ABHD11: variants seen among roughly 807,000 people sequenced by gnomAD.
The protein encoded by ABHD11 is sn-1-specific diacylglycerol lipase ABHD11.
Under a neutral mutation model 29.0 loss-of-function variants are expected in ABHD11, and 26 were observed. That is an observed-to-expected ratio of 0.90 (90% CI 0.66 to 1.24). ABHD11 has a LOEUF of 1.24. Among genes scored for constraint, ABHD11 ranks in the 50% most tolerant of loss-of-function variants. ABHD11 has a pLI of 0.00. For missense variants in ABHD11, 381 were observed against 422.4 expected (o/e 0.90, Z 0.86); for synonymous variants, 169 against 166.4 (o/e 1.02, Z -0.12).
At chr7:73,737,189 C>T (rs1799981178) in intron 4 of ABHD11, 32 bp downstream of exon 4, 1 of 1,613,846 alleles carries the variant, frequency 6.2e-7, no homozygotes, top group Non-Finnish European at 8.5e-7. Context: ...TCCTGGTCTA[C>T]AATACCATCC....
chr7:73,737,430 A>T, intron 3 of ABHD11, 39 bp from the exon 4 acceptor site: 1 of 1,587,438 alleles, frequency 6.3e-7, no homozygotes, highest in Non-Finnish European at 8.6e-7. Context: ...TCTTAGGCAG[A>T]CATAGGGAGT....
Position 73,738,771 on chromosome 7 carries a change from G to C in ABHD11, c.-1C>G, listed in dbSNP as rs1800268089. ...TCCAGGCTCGGGTCCAGCGGAGCAT[G>C]CTTGCAAGCTGTTGGCCGGCTCGCA... On this transcript the variant is annotated 5_prime_UTR_variant, in exon 1 of 6. Transcript: ENST00000222800. 7.5e-6 allele frequency: 12 copies of C among 1,604,192 alleles called. No homozygotes were observed. The highest frequency in any genetic ancestry group is 1.0e-5 in the Non-Finnish European group (12 of 1,174,760).
In ABHD11 at chr7:73,736,497, C is replaced by T. The variant is rs1799882707; in HGVS notation, c.*62G>A. On this transcript the variant is annotated 3_prime_UTR_variant, in exon 6 of 6. Coordinates refer to ENST00000222800, the MANE Select transcript of ABHD11 (RefSeq NM_148912.4). ...TCAAGTCATCCTCCCGCCTTAGCCTCCCAAAGTGCTGGAATTACAGGCATG... is the reference window on the plus strand; with the variant it reads ...TCAAGTCATCCTCCCGCCTTAGCCTTCCAAAGTGCTGGAATTACAGGCATG... 15 of 1,599,706 alleles carry T rather than the reference C, an allele frequency of 9.4e-6. No individual in the cohort carries two copies. The highest frequency in any genetic ancestry group is 1.2e-5 in the Non-Finnish European group (14 of 1,172,984).
Position 73,738,710 on chromosome 7 carries a change from T to C in ABHD11, c.61A>G (p.Ser21Gly). Residue 21 changes from serine to glycine, a missense_variant, in exon 1 of 6, where the codon AGC becomes GGC. Coordinates refer to ENST00000222800, the MANE Select transcript of ABHD11 (RefSeq NM_148912.4). The part of the protein sequence containing the change: ...PREGLGPHGP[S>G]FARVPVAPSS... Reference sequence around the variant, plus strand: ...GGTGCGACAGGCACCCTCGCGAAGCTAGGGCCGTGGGGGCCGAGTCCCTCA... The same window carrying C: ...GGTGCGACAGGCACCCTCGCGAAGCCAGGGCCGTGGGGGCCGAGTCCCTCA... The C allele has an allele frequency of 6.2e-7, 1 of 1,607,464 alleles. No homozygotes were observed. Among genetic ancestry groups the C allele is most frequent in the Non-Finnish European group, 8.5e-7 (1 of 1,177,732 alleles).
At chr7:73,738,144 T>C in intron 2 of ABHD11, 184 bp downstream of exon 2, 1 of 1,101,982 alleles carries the variant, frequency 9.1e-7, no homozygotes, top group Admixed American at 2.0e-5. Context: ...GATGGAGATC[T>C]ACAACATGAA....
chr7:73,737,845 C>T (rs1800077850), intron 2 of ABHD11, 110 bp from the exon 3 acceptor site: 1 of 1,455,516 alleles, frequency 6.9e-7, no homozygotes, highest in African/African-American at 1.4e-5. Flanking sequence ...GGGGATACAC[C>T]CTGTGGAGGG....
chr7:73,737,926 G>A, intron 2 of ABHD11, 191 bp from the exon 3 acceptor site: 1 of 952,496 alleles, frequency 1.0e-6, no homozygotes, highest in Non-Finnish European at 1.6e-6. Flanking sequence ...AGAAGAGCAG[G>A]CCCCAGGGTT....
Position 73,736,376 on chromosome 7 carries a change from A to C in ABHD11, c.*183T>G. On this transcript the variant is annotated 3_prime_UTR_variant, in exon 6 of 6. Coordinates refer to ENST00000222800, the MANE Select transcript of ABHD11 (RefSeq NM_148912.4). ...TGCCTCAGCCTCCAGAGTAGCTGGG[A>C]TTACAGGTGTGCACCACCACGCCAG... 1.4e-6 allele frequency: 1 copy of C among 711,118 alleles called. No homozygotes were observed. The highest frequency in any genetic ancestry group is 2.3e-6 in the Non-Finnish European group (1 of 442,280). 44.1% of individuals were successfully genotyped at this position (711,118 alleles called of 1,614,324 possible). A position where few individuals can be genotyped will look rare whatever the true frequency, so the allele number is the denominator to read the frequency against.
Position 73,738,418 on chromosome 7 carries a change from G to A in ABHD11, c.171C>T (p.Leu57=), listed in dbSNP as rs1227916333. The A allele has an allele frequency of 6.2e-7, 1 of 1,611,466 alleles. No homozygotes were observed. Among genetic ancestry groups the A allele is most frequent in the African/African-American group, 1.3e-5 (1 of 74,906 alleles). The change falls in exon 2 of 6, where the codon CTC becomes CTT. Residue 57 remains leucine, a synonymous_variant. Coordinates refer to ENST00000222800, the MANE Select transcript of ABHD11 (RefSeq NM_148912.4). The part of the protein sequence containing the change: ...SYRLLDGEAA[L]PAVVFLHGLF... ...GCCCGTGCAAAAAGACGACGGCCGGGAGGGCTGCCTCCCCGTCCAGAAGCC... is the reference window on the plus strand; with the variant it reads ...GCCCGTGCAAAAAGACGACGGCCGGAAGGGCTGCCTCCCCGTCCAGAAGCC...
At chr7:73,738,267 C>A (rs1372518610) in intron 2 of ABHD11, 61 bp downstream of exon 2, 5 of 1,363,932 alleles carry the variant, frequency 3.7e-6, no homozygotes, top group Middle Eastern at 2.0e-4. Context: ...GCCCCGCCTC[C>A]TCTCAGGCCC....
Position 73,736,569 on chromosome 7 carries a change from A to G in ABHD11, c.911T>C (p.Phe304Ser). 6.2e-7 allele frequency: 1 copy of G among 1,613,904 alleles called. No homozygotes were observed. The highest frequency in any genetic ancestry group is 8.5e-7 in the Non-Finnish European group (1 of 1,180,002). ...TCTTGCCAGCAACTCTTAGACCAGG[A>G]AGCCTCGGATGGCAGCTATGAAGTC... ...PQDFIAAIRG[F>S]LV Residue 304 changes from phenylalanine to serine, a missense_variant, in exon 6 of 6, where the codon TTC becomes TCC. By Grantham distance (155) the Phe-to-Ser change is radical. Coordinates refer to ENST00000222800, the MANE Select transcript of ABHD11 (RefSeq NM_148912.4).
At chr7:73,738,052 G>A (rs1554622605) in intron 2 of ABHD11, 4 of 745,194 alleles carry the variant, frequency 5.4e-6, no homozygotes, top group Middle Eastern at 4.6e-4. Context: ...GCCATAAGAG[G>A]TGGTGAGCTC....
At position 73,738,642 on chromosome 7, in the gene ABHD11, T is replaced by C. The variant is rs781866988; in HGVS notation, c.125+4A>G. ...TGGCCTCCCGCCCGGTGCCCTTGAC[T>C]GACCTCGGCTCGGCGCCCCCTCGGC... On this transcript the variant is annotated splice_donor_region_variant and intron_variant, in intron 1 of 5. Transcript: ENST00000222800. The C allele has an allele frequency of 2.3e-5, 36 of 1,592,428 alleles. No homozygotes were observed. The highest frequency in any genetic ancestry group is 2.8e-5 in the Non-Finnish European group (33 of 1,171,962).
chr7:73,737,105 C>T lies in ABHD11; in HGVS notation c.612G>A (p.Met204Ile). Reference sequence around the variant, plus strand: ...TAGTGAGCAGGTGCTGCCGCACGGCCATGTCCTGTGGGGGTGCAGCAGTTG... The same window carrying T: ...TAGTGAGCAGGTGCTGCCGCACGGCTATGTCCTGTGGGGGTGCAGCAGTTG... Reference protein sequence around the residue: ...DEQLSSVIQDMAVRQHLLTNL... With the variant: ...DEQLSSVIQDIAVRQHLLTNL... The change falls in exon 5 of 6, where the codon ATG becomes ATA. Residue 204 changes from methionine (M) to isoleucine (I), a missense_variant. Coordinates refer to ENST00000222800, the MANE Select transcript of ABHD11 (RefSeq NM_148912.4). 2 of 1,613,834 alleles carry T rather than the reference C, an allele frequency of 1.2e-6. No individual in the cohort carries two copies. The highest frequency in any genetic ancestry group is 1.7e-6 in the Non-Finnish European group (2 of 1,180,000).
chr7:73,738,338 GT>G lies in ABHD11; in HGVS notation c.250del (p.Thr84GlnfsTer6), dbSNP rs1161767356. On this transcript the variant is annotated frameshift_variant, in exon 2 of 6. Transcript: ENST00000222800. LOFTEE classifies it high-confidence loss of function. ...NSIAKILAQQTGRRVLTVDAR... is the reference protein window; with the variant it reads ...NSIAKILAQQXGRRVLTVDAR... ...CACTCGAAAGCTCACCCTACGGCCT[GT>G]CTGCTGGGCCAAGATCTTGGCGATG... 3.1e-6 allele frequency: 5 copies of G among 1,611,544 alleles called. No individual in the cohort carries two copies. In the Admixed American group the frequency reaches 6.7e-5, roughly 22 times the overall value.
rs1472273487 is a variant in ABHD11, at chr7:73,736,967, T to C, written c.750A>G (p.Pro250=). 6 of 1,613,598 alleles carry C rather than the reference T, an allele frequency of 3.7e-6. No homozygotes were observed. The highest frequency in any genetic ancestry group is 1.7e-5 in the Admixed American group (1 of 59,968). Residue 250 remains proline, a synonymous_variant, in exon 5 of 6, where the codon CCA becomes CCG. Transcript: ENST00000222800. ...FPQRQESYLG[P]TLFLLGGNSQ... is the part of the protein sequence containing the mutation. ...AGTTTCCACCAAGGAGAAAGAGTGT[T>C]GGCCCGAGGTAGGACTCCTGCCTCT...
chr7:73,736,498 C>T lies in ABHD11; in HGVS notation c.*61G>A. ...CAAGTCATCCTCCCGCCTTAGCCTCCCAAAGTGCTGGAATTACAGGCATGA... is the reference window on the plus strand; with the variant it reads ...CAAGTCATCCTCCCGCCTTAGCCTCTCAAAGTGCTGGAATTACAGGCATGA... On this transcript the variant is annotated 3_prime_UTR_variant, in exon 6 of 6. Transcript: ENST00000222800. 1.9e-6 allele frequency: 3 copies of T among 1,600,228 alleles called. No homozygotes were observed. The South Asian group carries it at 3.3e-5, about 18-fold the overall frequency.
At chr7:73,738,138 G>A in intron 2 of ABHD11, 190 bp downstream of exon 2, 2 of 1,065,458 alleles carry the variant, frequency 1.9e-6, no homozygotes, top group Non-Finnish European at 2.8e-6. Context: ...AGCCCCGATG[G>A]AGATCTACAA....
At position 73,737,090 on chromosome 7, in the gene ABHD11, G is replaced by A. The variant is rs199943314; in HGVS notation, c.627C>T (p.His209=). 1.8e-4 allele frequency: 298 copies of A among 1,613,928 alleles called. 1 individual carries two copies. Among genetic ancestry groups the A allele is most frequent in the Non-Finnish European group, 3.9e-5 (46 of 1,180,048 alleles). Residue 209 remains histidine, a synonymous_variant, in exon 5 of 6, where the codon CAC becomes CAT. Coordinates refer to ENST00000222800, the MANE Select transcript of ABHD11 (RefSeq NM_148912.4). The part of the protein sequence containing the change: ...SVIQDMAVRQ[H]LLTNLVEVDG... Reference sequence around the variant, plus strand: ...CTACCTCTACCAGGTTAGTGAGCAGGTGCTGCCGCACGGCCATGTCCTGTG... The same window carrying A: ...CTACCTCTACCAGGTTAGTGAGCAGATGCTGCCGCACGGCCATGTCCTGTG...
Sources: gnomAD v4.1 joint callset for allele counts on GRCh38, gnomAD v4.1.1 for gene constraint, MANE v1.5 for transcripts, NCBI Gene and HGNC (gene_info 2026-07-23, HGNC 2026-07-21) for gene names.